Variants in NUP98 observed in about 807,000 individuals in gnomAD.
NUP98 encodes nucleoporin 98 and 96 precursor.
A neutral mutation model predicts 191.9 loss-of-function variants in NUP98; 26 were observed. The ratio of observed to expected loss-of-function variants is 0.14; its 90% CI spans 0.10 to 0.19. NUP98 has a LOEUF of 0.19. Ranked by LOEUF, NUP98 falls within the 10% of genes least tolerant of loss-of-function variation. The pLI is 1.00. For missense variants in NUP98, 1,941 were observed against 2,178.8 expected (o/e 0.89, Z 2.17); for synonymous variants, 808 against 778.4 (o/e 1.04, Z -0.63).
At chr11:3,771,614 C>G (rs2081535000) in intron 7 of NUP98, 134 bp downstream of exon 7, 1 of 705,538 alleles carries the variant, frequency 1.4e-6, no homozygotes, top group East Asian at 2.7e-5. Flanking sequence ...TACATCCAGG[C>G]ATTCCTCCCT....
intron 26 of NUP98, 126 bp downstream of exon 26, chr11:3,695,323 T>C: frequency 4.9e-6 from 4 of 813,244 alleles, no homozygotes; most frequent in Non-Finnish European, 7.1e-6. Context: ...TTGAAAATTG[T>C]CCAATGTGTA....
intron 12 of NUP98, among the ~76,000 whole-genome samples, chr11:3,737,658 G>C (rs567456263): frequency 5.8e-4 from 88 of 152,004 alleles, no homozygotes; most frequent in African/African-American, 2.1e-3. Flanking sequence ...AACAGAACAG[G>C]CTGCTATAGC....
At chr11:3,724,749 C>G (rs2079546871) in intron 15 of NUP98, among the ~76,000 whole-genome samples, 1 of 128,416 alleles carries the variant, frequency 7.8e-6, no homozygotes, top group Admixed American at 8.0e-5. Flanking sequence ...CCACTGCACT[C>G]CAGCCTGGGC....
At chr11:3,784,323 A>AG (rs144776306) in intron 1 of NUP98, among the ~76,000 whole-genome samples, 7,711 of 151,812 alleles carry the variant, frequency 0.051, 256 homozygotes, top group Middle Eastern at 0.099. Flanking sequence ...GAAATTTCCT[A>AG]GGAAAAAAAA....
At chr11:3,795,631 A>T (rs74052817) in intron 1 of NUP98, among the ~76,000 whole-genome samples, 1,777 of 152,318 alleles carry the variant, frequency 0.012, 38 homozygotes, top group African/African-American at 0.039. Context: ...TGTGGCAAGC[A>T]ACTGGACAAC....
chr11:3,690,204 C>A (rs1174808217), intron 28 of NUP98, among the ~76,000 whole-genome samples: 1 of 150,934 alleles, frequency 6.6e-6, no homozygotes, highest in Non-Finnish European at 1.5e-5. Context: ...CCACCCACCT[C>A]AGCCTCCCAA....
intron 1 of NUP98, among the ~76,000 whole-genome samples, chr11:3,792,971 CGTG>C (rs2082405675): frequency 6.6e-6 from 1 of 151,426 alleles, no homozygotes; most frequent in South Asian, 2.1e-4. Context: ...ATTAGCCCAG[CGTG>C]GTGATGTGCA....
At chr11:3,753,493 G>T in intron 10 of NUP98, 85 bp from the exon 11 acceptor site, 2 of 1,026,318 alleles carry the variant, frequency 1.9e-6, no homozygotes, top group African/African-American at 1.6e-5. Flanking sequence ...AAAGCAGTCT[G>T]ACTTTAAGTT....
At chr11:3,691,004 T>C (rs1414541572) in intron 28 of NUP98, among the ~76,000 whole-genome samples, 2 of 152,028 alleles carry the variant, frequency 1.3e-5, no homozygotes, top group Admixed American at 1.3e-4. Context: ...AACTAGTCAA[T>C]AGGTATCTGA....
At chr11:3,795,669 C>T (rs2082504887) in intron 1 of NUP98, among the ~76,000 whole-genome samples, 1 of 151,728 alleles carries the variant, frequency 6.6e-6, no homozygotes, top group South Asian at 2.1e-4. Context: ...ATTTTACCAG[C>T]CTAATTAAAA....
chr11:3,723,509 T>A, intron 15 of NUP98, 54 bp from the exon 16 acceptor site: 6 of 1,471,562 alleles, frequency 4.1e-6, no homozygotes, highest in South Asian at 2.4e-5. Flanking sequence ...ATAACAATGA[T>A]AATAGCTAAC....
chr11:3,750,989 T>C (rs1333136798), intron 11 of NUP98, among the ~76,000 whole-genome samples: 1 of 152,196 alleles, frequency 6.6e-6, no homozygotes, highest in Non-Finnish European at 1.5e-5. Flanking sequence ...CAGGCAACTA[T>C]ATTAATTATA....
chr11:3,723,429 T>C lies in NUP98; in HGVS notation c.1874A>G (p.Asp625Gly). 1.2e-6 allele frequency: 2 copies of C among 1,614,054 alleles called. No homozygotes were observed. The highest frequency in any genetic ancestry group is 1.7e-6 in the Non-Finnish European group (2 of 1,179,920). Residue 625 changes from aspartate to glycine, a missense_variant, in exon 16 of 33, where the codon GAT becomes GGT. This residue lies in a region of NUP98 where 453 missense variants were observed against 438.2 expected (regional missense o/e 1.03). Transcript: ENST00000324932. ...ATCTCCATCCTGCTGGTGATTCTCA[T>C]CAACAGGTTTGCTTAGGAAACTAAA... ...ERFSFLSKPV[D>G]ENHQQDGDED... is the part of the protein sequence containing the mutation.
intron 12 of NUP98, among the ~76,000 whole-genome samples, chr11:3,743,504 G>A (rs1437113724): frequency 4.0e-5 from 6 of 148,680 alleles, no homozygotes; most frequent in Non-Finnish European, 8.9e-5. Context: ...AAAATTAGCT[G>A]GGCATGGTGG....
intron 1 of NUP98, among the ~76,000 whole-genome samples, chr11:3,789,951 A>T (rs1359001712): frequency 1.3e-5 from 2 of 151,952 alleles, no homozygotes; most frequent in African/African-American, 4.8e-5. Flanking sequence ...TACCGGGTTA[A>T]TTTTTTGTAT....
intron 1 of NUP98, among the ~76,000 whole-genome samples, chr11:3,783,866 C>A (rs2082055189): frequency 6.6e-6 from 1 of 151,928 alleles, no homozygotes; most frequent in African/African-American, 2.4e-5. Flanking sequence ...CATAGTGAAA[C>A]ACCCAAGAAT....
chr11:3,698,417 C>T (rs1405981970), intron 25 of NUP98, among the ~76,000 whole-genome samples: 1 of 151,708 alleles, frequency 6.6e-6, no homozygotes, highest in Non-Finnish European at 1.5e-5. Context: ...TGTTTAAGGT[C>T]CTAAAAAAAG....
intron 7 of NUP98, among the ~76,000 whole-genome samples, chr11:3,770,561 GTGTGTGTGTGTGTA>G: frequency 6.6e-6 from 1 of 152,124 alleles, no homozygotes; most frequent in Admixed American, 6.6e-5. Flanking sequence ...GTGTGTGTGT[GTGTGTGTGTGTGTA>G]TGTACATCTC....
At chr11:3,739,400 C>A (rs764434175) in intron 12 of NUP98, among the ~76,000 whole-genome samples, 1 of 152,074 alleles carries the variant, frequency 6.6e-6, no homozygotes, top group Non-Finnish European at 1.5e-5. Context: ...AGGTGCCTGC[C>A]GCCACGCCCG....
Sources: allele counts gnomAD v4.1 joint callset (sites outside exome capture counted in the v4.1 genomes callset), GRCh38; gene constraint gnomAD v4.1.1; regional missense constraint gnomAD v4.1.1; transcripts MANE v1.5; gene names NCBI Gene and HGNC (gene_info 2026-07-23, HGNC 2026-07-21).